HS3ST4: variants seen among roughly 807,000 people sequenced by gnomAD.
HS3ST4 encodes heparan sulfate glucosamine 3-O-sulfotransferase 4.
HS3ST4 carries 17 observed loss-of-function variants against 29.2 expected under a neutral mutation model. That is an observed-to-expected ratio of 0.58 (90% CI 0.40 to 0.87). The LOEUF is 0.87. Among genes scored for constraint, HS3ST4 ranks in the 40% least tolerant of loss-of-function variants. The probability of loss-of-function intolerance (pLI) is 0.00; values close to 1 mark genes in which losing one functional copy is unlikely to be tolerated. For missense variants in HS3ST4, 627 were observed against 634.5 expected (o/e 0.99, Z 0.13); for synonymous variants, 314 against 285.7 (o/e 1.10, Z -1.00).
intron 1 of HS3ST4, among the ~76,000 whole-genome samples, chr16:25,886,125 T>C (rs888562803): frequency 6.9e-6 from 1 of 143,936 alleles, no homozygotes; most frequent in African/African-American, 2.6e-5. Context: ...GTCTGCCTCC[T>C]GGGTTCAAGC....
chr16:26,128,019 A>C (rs187802904), intron 1 of HS3ST4, among the ~76,000 whole-genome samples: 3 of 151,894 alleles, frequency 2.0e-5, no homozygotes, highest in East Asian at 3.9e-4. Flanking sequence ...TCTTCCTCTT[A>C]TCTTTATTCC....
At chr16:26,027,217 C>T (rs1969485301) in intron 1 of HS3ST4, among the ~76,000 whole-genome samples, 1 of 152,202 alleles carries the variant, frequency 6.6e-6, no homozygotes, top group African/African-American at 2.4e-5. Context: ...CAGGAAACTA[C>T]AGATAGTTCC....
At chr16:26,030,812 A>G in intron 1 of HS3ST4, among the ~76,000 whole-genome samples, 1 of 152,232 alleles carries the variant, frequency 6.6e-6, no homozygotes, top group East Asian at 1.9e-4. Flanking sequence ...AAGCTATGTC[A>G]GATTCCAAGT....
chr16:26,060,069 C>T (rs56228312), intron 1 of HS3ST4, among the ~76,000 whole-genome samples: 23,511 of 152,172 alleles, frequency 0.15, 1,930 homozygotes, highest in Non-Finnish European at 0.17. Flanking sequence ...TGAGCCACTG[C>T]GCCCAGCCTA....
chr16:26,105,732 G>A (rs11644286), intron 1 of HS3ST4, among the ~76,000 whole-genome samples: 86,471 of 152,206 alleles, frequency 0.57, 25,106 homozygotes, highest in Non-Finnish European at 0.64. Flanking sequence ...CCAGAATGCT[G>A]CACCTGCTAT....
chr16:25,937,096 C>T (rs920411079), intron 1 of HS3ST4, among the ~76,000 whole-genome samples: 2 of 151,592 alleles, frequency 1.3e-5, no homozygotes, highest in African/African-American at 4.8e-5. Flanking sequence ...AAGTTGGAAT[C>T]AATTAGGGAC....
chr16:26,091,441 A>C (rs1898855549), intron 1 of HS3ST4, among the ~76,000 whole-genome samples: 1 of 152,186 alleles, frequency 6.6e-6, no homozygotes, highest in Non-Finnish European at 1.5e-5. Flanking sequence ...TTAATGTAGC[A>C]GAGAAGAGCT....
chr16:26,105,029 C>A (rs1314219536), intron 1 of HS3ST4, among the ~76,000 whole-genome samples: 1 of 152,184 alleles, frequency 6.6e-6, no homozygotes, highest in Non-Finnish European at 1.5e-5. Context: ...ACCTCCTTAT[C>A]CTTCTTCAAG....
chr16:26,065,656 A>G (rs2141773377), intron 1 of HS3ST4, among the ~76,000 whole-genome samples: 1 of 152,350 alleles, frequency 6.6e-6, no homozygotes, highest in East Asian at 1.9e-4. Flanking sequence ...AAAATAAAAT[A>G]TGGTCCAGTA....
In HS3ST4 at chr16:25,757,773, A is replaced by G. The variant is rs139785595; in HGVS notation, c.734+64622A>G. Among the ~76,000 whole-genome samples, 485 of 152,012 alleles carry G rather than the reference A, an allele frequency of 3.2e-3. 1 individual carries two copies. The highest frequency in any genetic ancestry group is 0.011 in the African/African-American group (460 of 41,454). On this transcript the variant is annotated intron_variant, in intron 1 of 1. Transcript: ENST00000331351. ...CCATGGGGGCCATCTAGATGCAAGTATCTCGTCGGGTGGGGCTTTTAGAGA... is the reference window on the plus strand; with the variant it reads ...CCATGGGGGCCATCTAGATGCAAGTGTCTCGTCGGGTGGGGCTTTTAGAGA...
At chr16:25,777,901 G>T (rs1017935110) in intron 1 of HS3ST4, among the ~76,000 whole-genome samples, 26 of 152,104 alleles carry the variant, frequency 1.7e-4, no homozygotes, top group Non-Finnish European at 2.9e-4. Context: ...GTAAAATGAA[G>T]CACACCATGT....
At chr16:25,858,878 TG>T (rs1433802949) in intron 1 of HS3ST4, among the ~76,000 whole-genome samples, 1 of 152,170 alleles carries the variant, frequency 6.6e-6, no homozygotes, top group Non-Finnish European at 1.5e-5. Context: ...TTTTTTTATC[TG>T]GTTTCTCTGA....
chr16:25,975,548 A>G (rs1968936116), intron 1 of HS3ST4, among the ~76,000 whole-genome samples: 1 of 152,128 alleles, frequency 6.6e-6, no homozygotes, highest in Admixed American at 6.5e-5. Context: ...CACAAATCTA[A>G]AGGAAAGGTT....
intron 1 of HS3ST4, among the ~76,000 whole-genome samples, chr16:25,991,858 A>G (rs538992676): frequency 7.2e-5 from 11 of 152,092 alleles, no homozygotes; most frequent in Non-Finnish European, 8.8e-5. Context: ...CGTCTCTACT[A>G]AAAATACAAA....
chr16:26,051,788 CTCTCTTTCTTTT>C (rs1441333246), intron 1 of HS3ST4, among the ~76,000 whole-genome samples: 1 of 151,202 alleles, frequency 6.6e-6, no homozygotes, highest in Non-Finnish European at 1.5e-5. Flanking sequence ...TTCTTTCTTT[CTCTCTTTCTTTT>C]TCCTCTCTCC....
chr16:25,784,315 A>C (rs979123814), intron 1 of HS3ST4, among the ~76,000 whole-genome samples: 2 of 152,218 alleles, frequency 1.3e-5, no homozygotes, highest in African/African-American at 4.8e-5. Flanking sequence ...GAAAGGAAGA[A>C]TCTCATGTCT....
At chr16:25,857,533 G>A (rs984859377) in intron 1 of HS3ST4, among the ~76,000 whole-genome samples, 2 of 152,142 alleles carry the variant, frequency 1.3e-5, no homozygotes, top group African/African-American at 4.8e-5. Context: ...GTCCCTAAGT[G>A]AGACGAGGCT....
intron 1 of HS3ST4, among the ~76,000 whole-genome samples, chr16:25,824,240 C>G (rs2141635238): frequency 6.6e-6 from 1 of 151,858 alleles, no homozygotes; most frequent in African/African-American, 2.4e-5. Context: ...AAGACCTGGC[C>G]TGAATACTCA....
At chr16:25,894,651 A>G (rs1010913972) in intron 1 of HS3ST4, among the ~76,000 whole-genome samples, 36 of 151,866 alleles carry the variant, frequency 2.4e-4, no homozygotes, top group Non-Finnish European at 4.7e-4. Flanking sequence ...GATTACAGGC[A>G]CCTGACACCA....
Sources: allele counts gnomAD v4.1 joint callset (sites outside exome capture counted in the v4.1 genomes callset), GRCh38; gene constraint gnomAD v4.1.1; transcripts MANE v1.5; gene names NCBI Gene and HGNC (gene_info 2026-07-23, HGNC 2026-07-21).